The following ADGRL4 variants were observed in gnomAD, a reference collection of about 807,000 sequenced individuals.
ADGRL4 encodes the protein adhesion G protein-coupled receptor L4, also known as EGF, latrophilin and seven transmembrane domain containing 1.
ADGRL4 carries 90 observed loss-of-function variants against 74.8 expected under a neutral mutation model. The observed-to-expected ratio is 1.20, with a 90% CI of 1.02 to 1.43. The LOEUF is 1.43. Among genes scored for constraint, ADGRL4 ranks in the 40% most tolerant of loss-of-function variants. ADGRL4 has a pLI of 0.00. For missense variants in ADGRL4, 881 were observed against 814.3 expected (o/e 1.08, Z -1.00); for synonymous variants, 311 against 279.2 (o/e 1.11, Z -1.14).
At chr1:78,897,585 G>C (rs1648424429) in intron 12 of ADGRL4, among the ~76,000 whole-genome samples, 2 of 152,072 alleles carry the variant, frequency 1.3e-5, no homozygotes, top group Non-Finnish European at 2.9e-5. Context: ...TATCACAGTA[G>C]TCCTGAATAA....
intron 12 of ADGRL4, among the ~76,000 whole-genome samples, chr1:78,917,256 G>A (rs1648893821): frequency 6.6e-6 from 1 of 151,786 alleles, no homozygotes; most frequent in African/African-American, 2.4e-5. Context: ...TCTGTGTGTT[G>A]AAGCATGCCG....
At chr1:78,982,216 T>C (rs1387853803) in intron 2 of ADGRL4, among the ~76,000 whole-genome samples, 1 of 151,654 alleles carries the variant, frequency 6.6e-6, no homozygotes, top group Non-Finnish European at 1.5e-5. Context: ...TTCTAAAATA[T>C]AAGCCATTTT....
intron 12 of ADGRL4, among the ~76,000 whole-genome samples, chr1:78,899,321 A>C (rs1447229401): frequency 1.3e-5 from 2 of 152,154 alleles, no homozygotes; most frequent in African/African-American, 2.4e-5. Flanking sequence ...TTTCATTCTC[A>C]ATCGTTATAC....
At chr1:78,981,222 G>C (rs185640914) in intron 2 of ADGRL4, among the ~76,000 whole-genome samples, 2 of 151,728 alleles carry the variant, frequency 1.3e-5, no homozygotes, top group East Asian at 3.9e-4. Context: ...AATATCAACT[G>C]ATTAATGAAA....
intron 12 of ADGRL4, among the ~76,000 whole-genome samples, chr1:78,902,491 T>A (rs1648540865): frequency 6.8e-6 from 1 of 147,138 alleles, no homozygotes; most frequent in South Asian, 2.1e-4. Flanking sequence ...TTGCCCAAGG[T>A]AATACAATTA....
At chr1:78,929,315 G>GA (rs1649191415) in intron 7 of ADGRL4, among the ~76,000 whole-genome samples, 3 of 151,370 alleles carry the variant, frequency 2.0e-5, no homozygotes, top group Admixed American at 2.0e-4. Context: ...AGGAGTTCGA[G>GA]ACCAGCCTGG....
At chr1:78,960,907 A>C (rs1649938531) in intron 2 of ADGRL4, among the ~76,000 whole-genome samples, 1 of 152,190 alleles carries the variant, frequency 6.6e-6, no homozygotes, top group South Asian at 2.1e-4. Context: ...TGTTTACAAG[A>C]TATCCAGTGT....
chr1:78,991,199 T>A (rs531957009), intron 2 of ADGRL4, among the ~76,000 whole-genome samples: 1 of 152,184 alleles, frequency 6.6e-6, no homozygotes, highest in Admixed American at 6.5e-5. Flanking sequence ...AAGCACGAAG[T>A]GCTAGATAAG....
intron 2 of ADGRL4, among the ~76,000 whole-genome samples, chr1:78,993,100 G>A (rs754407296): frequency 6.6e-6 from 1 of 151,780 alleles, no homozygotes; most frequent in African/African-American, 2.4e-5. Context: ...GTTAAAATAC[G>A]TTTTTTTAAT....
At chr1:78,897,067 A>T (rs2100651706) in intron 12 of ADGRL4, among the ~76,000 whole-genome samples, 1 of 152,312 alleles carries the variant, frequency 6.6e-6, no homozygotes, top group South Asian at 2.1e-4. Context: ...CAAATGATAA[A>T]ATCAGACCTA....
At chr1:78,932,575 G>T (rs1350873587) in intron 7 of ADGRL4, among the ~76,000 whole-genome samples, 8 of 139,810 alleles carry the variant, frequency 5.7e-5, no homozygotes, top group Non-Finnish European at 1.2e-4. Flanking sequence ...ACTAAGATCA[G>T]AGCAGAGTTG....
At position 78,983,251 on chromosome 1, in the gene ADGRL4, C is replaced by T. The variant is rs12079024; in HGVS notation, c.172+21819G>A. On this transcript the variant is annotated intron_variant, in intron 2 of 14. Coordinates refer to ENST00000370742, the MANE Select transcript of ADGRL4 (RefSeq NM_022159.4). ...CACACACAGACACACATGCCCAAAA[C>T]ATCATCAGTGAGAATCAGCAGAAAG... Among the ~76,000 whole-genome samples the T allele has an allele frequency of 6.5e-3, 985 of 151,868 alleles. 13 individuals carry two copies. Among genetic ancestry groups the T allele is most frequent in the African/African-American group, 0.022 (933 of 41,482 alleles).
At chr1:78,974,979 G>A (rs558869696) in intron 2 of ADGRL4, among the ~76,000 whole-genome samples, 1 of 152,214 alleles carries the variant, frequency 6.6e-6, no homozygotes, top group South Asian at 2.1e-4. Flanking sequence ...CATCTTTAGG[G>A]GGCCATTATT....
chr1:78,994,739 C>T (rs1203851508), intron 2 of ADGRL4, among the ~76,000 whole-genome samples: 2 of 152,080 alleles, frequency 1.3e-5, no homozygotes, highest in Non-Finnish European at 2.9e-5. Context: ...TTATAATAGT[C>T]CCAGTATTGA....
intron 2 of ADGRL4, among the ~76,000 whole-genome samples, chr1:78,973,837 C>A (rs928832898): frequency 2.0e-5 from 3 of 151,882 alleles, no homozygotes; most frequent in Middle Eastern, 3.4e-3. Context: ...TTCTGTAATT[C>A]CCCTTTTCAA....
At chr1:78,902,834 T>A (rs1648547290) in intron 12 of ADGRL4, among the ~76,000 whole-genome samples, 1 of 152,070 alleles carries the variant, frequency 6.6e-6, no homozygotes, top group Admixed American at 6.6e-5. Flanking sequence ...GTGCTAATTA[T>A]CCTTTACTGG....
chr1:78,946,800 T>G (rs541130355), intron 2 of ADGRL4, among the ~76,000 whole-genome samples: 1 of 152,240 alleles, frequency 6.6e-6, no homozygotes, highest in East Asian at 1.9e-4. Flanking sequence ...AAATTAAAAA[T>G]GAAAAATCAG....
chr1:78,974,475 C>T (rs1650238652), intron 2 of ADGRL4, among the ~76,000 whole-genome samples: 2 of 152,120 alleles, frequency 1.3e-5, no homozygotes, highest in African/African-American at 4.8e-5. Context: ...TACTTTTATA[C>T]ATTATACTCA....
At position 78,926,918 on chromosome 1, in the gene ADGRL4, C is replaced by A; in HGVS notation, c.1051G>T (p.Glu351Ter). The A allele has an allele frequency of 6.2e-7, 1 of 1,610,600 alleles. No homozygotes were observed. Among genetic ancestry groups the A allele is most frequent in the South Asian group, 1.1e-5 (1 of 90,778 alleles). ...TGACTTAATGTAAATGTTATTTTTT[C>A]AAGTTCATATAATGTGGGTGGGTTT... ...SSNPPTLYEL[E>*]KITFTLSHRK... The change falls in exon 8 of 15, where the codon GAA becomes TAA. Residue 351 changes from glutamate (E) to a stop codon, truncating the protein, a stop_gained. Coordinates refer to ENST00000370742, the MANE Select transcript of ADGRL4 (RefSeq NM_022159.4). LOFTEE classifies it high-confidence loss of function.
Sources: gnomAD v4.1 joint callset for allele counts (sites outside exome capture counted in the v4.1 genomes callset) on GRCh38, gnomAD v4.1.1 for gene constraint, MANE v1.5 for transcripts, NCBI Gene and HGNC (gene_info 2026-07-23, HGNC 2026-07-21) for gene names.